The following DCDC1 variants were observed in gnomAD, a reference collection of about 807,000 sequenced individuals.
DCDC1 encodes doublecortin domain-containing protein 1.
A neutral mutation model predicts 178.3 loss-of-function variants in DCDC1; 200 were observed. The ratio of observed to expected loss-of-function variants is 1.12; its 90% CI spans 1.00 to 1.26. The LOEUF (loss-of-function observed/expected upper bound fraction) is 1.26, where lower values mean the gene tolerates loss of function less well. Among genes scored for constraint, DCDC1 ranks in the 50% most tolerant of loss-of-function variants. The pLI is 0.00. For missense variants in DCDC1, 1,983 were observed against 1,749.2 expected, an observed-to-expected ratio of 1.13 and a Z score of -2.38; for synonymous variants, 690 against 604.8, an observed-to-expected ratio of 1.14 and a Z score of -2.07.
chr11:31,203,562 G>C (rs988046392), intron 9 of DCDC1, among the ~76,000 whole-genome samples: 4 of 152,084 alleles, frequency 2.6e-5, no homozygotes, highest in African/African-American at 9.7e-5. Context: ...ACTACCCAGG[G>C]GCTCCCCTGT....
At chr11:31,358,630 C>G (rs1951529572) in intron 1 of DCDC1, among the ~76,000 whole-genome samples, 2 of 152,056 alleles carry the variant, frequency 1.3e-5, no homozygotes, top group Admixed American at 6.6e-5. Context: ...GCAAAAGAAA[C>G]TACCATCAGA....
In DCDC1 at chr11:30,964,027, C is replaced by T. The variant is rs571109699; in HGVS notation, c.2592-11459G>A. Among the ~76,000 whole-genome samples the T allele has an allele frequency of 2.0e-5, 3 of 152,238 alleles. No individual in the cohort carries two copies. In the South Asian group the frequency reaches 6.2e-4, roughly 32 times the overall value. On this transcript the variant is annotated intron_variant, in intron 20 of 38. Coordinates refer to ENST00000684477, the MANE Select transcript of DCDC1 (RefSeq NM_001387274.1). Reference sequence around the variant, plus strand: ...ACTTCTCCAAGTTCTTCAAGGAACACTCCTATAGGCAGGAAGCGTTAGCTC... The same window carrying T: ...ACTTCTCCAAGTTCTTCAAGGAACATTCCTATAGGCAGGAAGCGTTAGCTC...
In DCDC1 at chr11:31,208,391, A is replaced by T. The variant is rs1412085609; in HGVS notation, c.1221+33059T>A. On this transcript the variant is annotated intron_variant, in intron 9 of 38. Coordinates refer to ENST00000684477, the MANE Select transcript of DCDC1 (RefSeq NM_001387274.1). The stretch of plus-strand genomic sequence containing the variant: ...TAGATTCTTTCAGGACTATTTCCAA[A>T]ATATATCCTGAGTCTTATAATTCCT... Among the ~76,000 whole-genome samples, 3 of 152,178 alleles carry T rather than the reference A, an allele frequency of 2.0e-5. No individual in the cohort carries two copies. The East Asian group carries it at 5.8e-4, about 29-fold the overall frequency.
intron 20 of DCDC1, among the ~76,000 whole-genome samples, chr11:31,029,476 G>A (rs1358114701): frequency 6.6e-6 from 1 of 152,102 alleles, no homozygotes; most frequent in Non-Finnish European, 1.5e-5. Context: ...TCAGTGTGCA[G>A]ATGCCTATGA....
At chr11:31,329,825 G>C (rs985788474) in intron 2 of DCDC1, among the ~76,000 whole-genome samples, 2 of 152,160 alleles carry the variant, frequency 1.3e-5, no homozygotes, top group Non-Finnish European at 2.9e-5. Flanking sequence ...TTGGTCCCAA[G>C]TCTTTGCTAT....
chr11:30,981,394 T>C (rs1251910556), intron 20 of DCDC1, among the ~76,000 whole-genome samples: 1 of 152,110 alleles, frequency 6.6e-6, no homozygotes, highest in African/African-American at 2.4e-5. Flanking sequence ...TTAAACAAAT[T>C]ATTATTTGTA....
intron 6 of DCDC1, among the ~76,000 whole-genome samples, chr11:31,293,996 G>C (rs1028187465): frequency 6.6e-6 from 1 of 152,180 alleles, no homozygotes; most frequent in African/African-American, 2.4e-5. Flanking sequence ...CTCTCGGCGA[G>C]ACCTTGAACC....
At chr11:30,929,658 T>C (rs1946807656) in intron 22 of DCDC1, among the ~76,000 whole-genome samples, 1 of 152,166 alleles carries the variant, frequency 6.6e-6, no homozygotes, top group South Asian at 2.1e-4. Flanking sequence ...AATATATATA[T>C]TGAAATCATC....
At chr11:31,185,633 A>G (rs1331139745) in intron 9 of DCDC1, among the ~76,000 whole-genome samples, 1 of 152,126 alleles carries the variant, frequency 6.6e-6, no homozygotes, top group Non-Finnish European at 1.5e-5. Flanking sequence ...AAATAAAACA[A>G]TATGTCAAAA....
intron 21 of DCDC1, among the ~76,000 whole-genome samples, chr11:30,934,387 G>A (rs1947131250): frequency 1.3e-5 from 2 of 152,310 alleles, no homozygotes; most frequent in African/African-American, 4.8e-5. Context: ...CCAATTGGAT[G>A]GTAACAGGTT....
intron 20 of DCDC1, among the ~76,000 whole-genome samples, chr11:31,028,793 G>T (rs1590809268): frequency 1.3e-5 from 2 of 152,108 alleles, no homozygotes; most frequent in African/African-American, 4.8e-5. Context: ...TGTGATTAAT[G>T]ATAGCTCTGT....
At chr11:30,906,900 T>G (rs912884803) in intron 29 of DCDC1, among the ~76,000 whole-genome samples, 175 bp from the exon 30 acceptor site, 4 of 152,092 alleles carry the variant, frequency 2.6e-5, no homozygotes, top group Non-Finnish European at 5.9e-5. Context: ...ATTAAAAAAT[T>G]TAAAGTATTT....
chr11:31,233,808 A>G (rs1430200122), intron 9 of DCDC1, among the ~76,000 whole-genome samples: 2 of 152,232 alleles, frequency 1.3e-5, no homozygotes, highest in East Asian at 3.8e-4. Context: ...ATCCAATGCC[A>G]GAAGTATAAA....
chr11:31,036,440 C>T (rs897358967), intron 20 of DCDC1, among the ~76,000 whole-genome samples: 6 of 152,110 alleles, frequency 3.9e-5, no homozygotes, highest in African/African-American at 1.4e-4. Flanking sequence ...CATCACTAAG[C>T]CCTGACCCAC....
chr11:31,220,350 G>A (rs1343263434), intron 9 of DCDC1, among the ~76,000 whole-genome samples: 1 of 152,054 alleles, frequency 6.6e-6, no homozygotes, highest in African/African-American at 2.4e-5. Flanking sequence ...AATACTAAAT[G>A]TTTCACCAAA....
chr11:31,094,511 GTTA>G (rs1958023119), intron 15 of DCDC1, among the ~76,000 whole-genome samples: 1 of 152,030 alleles, frequency 6.6e-6, no homozygotes, highest in African/African-American at 2.4e-5. Flanking sequence ...ATTAAATAGT[GTTA>G]TTATAGGCAT....
At chr11:31,156,070 A>C (rs1298446895) in intron 9 of DCDC1, 1 of 152,240 alleles carries the variant, frequency 6.6e-6, no homozygotes, top group African/African-American at 2.4e-5. Context: ...GTTTCTGTAA[A>C]GAAACAGATA....
chr11:31,223,697 T>C (rs1974555527), intron 9 of DCDC1, among the ~76,000 whole-genome samples: 1 of 152,160 alleles, frequency 6.6e-6, no homozygotes, highest in Non-Finnish European at 1.5e-5. Flanking sequence ...ATAACATCTT[T>C]ATATTTCAGC....
At chr11:30,996,907 T>C (rs1951305165) in intron 20 of DCDC1, among the ~76,000 whole-genome samples, 1 of 152,180 alleles carries the variant, frequency 6.6e-6, no homozygotes, top group African/African-American at 2.4e-5. Context: ...TATAGCAGCG[T>C]TCATCATCAC....
Sources: gnomAD v4.1 joint callset for allele counts (sites outside exome capture counted in the v4.1 genomes callset) on GRCh38, gnomAD v4.1.1 for gene constraint, MANE v1.5 for transcripts, NCBI Gene and HGNC (gene_info 2026-07-23, HGNC 2026-07-21) for gene names.